Variants in RBMS2 observed in about 807,000 individuals in gnomAD.
RBMS2 encodes RNA binding motif single stranded interacting protein 2.
A neutral mutation model predicts 58.4 loss-of-function variants in RBMS2; 38 were observed. That is an observed-to-expected ratio of 0.65 (90% confidence interval 0.50 to 0.85). The LOEUF (loss-of-function observed/expected upper bound fraction) is 0.85, where lower values mean the gene tolerates loss of function less well. RBMS2 is among the 40% of genes least tolerant of loss of function. The pLI, the probability that RBMS2 is intolerant of heterozygous loss-of-function variation, is 0.00. For missense variants in RBMS2, 367 were observed against 503.7 expected (o/e 0.73, Z 2.60); for synonymous variants, 151 against 180.7 (o/e 0.84, Z 1.32).
At chr12:56,588,894 A>G (rs768895044) in intron 12 of RBMS2, 38 bp from the exon 13 acceptor site, 52 of 1,604,454 alleles carry the variant, frequency 3.2e-5, no homozygotes, top group Non-Finnish European at 4.3e-5. Flanking sequence ...TGAGGAAAGG[A>G]ATGCGCAAGA....
intron 5 of RBMS2, among the ~76,000 whole-genome samples, chr12:56,572,363 A>T (rs1483460926): frequency 6.7e-6 from 1 of 150,370 alleles, no homozygotes; most frequent in East Asian, 2.0e-4. Flanking sequence ...CCACCTAAAT[A>T]TTTTTTTTAT....
rs373193744 is a variant in RBMS2, at chr12:56,578,878, C to T, written c.543-2306C>T. ...TACTTGGGAGCTGAGGTAGGAGAAT[C>T]GTTTGAACCTGGGAGGAGGAGGTTG... On this transcript the variant is annotated intron_variant, in intron 5 of 13. Transcript: ENST00000262031. Among the ~76,000 whole-genome samples the T allele has an allele frequency of 2.5e-4, 38 of 152,080 alleles. No individual in the cohort carries two copies. In the East Asian group the frequency reaches 7.4e-3, roughly 30 times the overall value.
chr12:56,531,331 T>C (rs1446727370), intron 1 of RBMS2, among the ~76,000 whole-genome samples: 2 of 152,126 alleles, frequency 1.3e-5, no homozygotes, highest in Admixed American at 6.6e-5. Context: ...GTGCCTATGG[T>C]AGGCACTAAA....
Position 56,589,365 on chromosome 12 carries a change from T to G in RBMS2, c.*232T>G. The G allele has an allele frequency of 8.6e-7, 1 of 1,167,780 alleles. No individual in the cohort carries two copies. The highest frequency in any genetic ancestry group is 1.1e-6 in the Non-Finnish European group (1 of 916,810). 72.3% of individuals were successfully genotyped at this position (1,167,780 alleles called of 1,614,324 possible). ...GGGAACCATCACTTTTTTTGTGTGC[T>G]ACATTCAAGGAGATCAAAAAAACTT... On this transcript the variant is annotated 3_prime_UTR_variant, in exon 14 of 14. Coordinates refer to ENST00000262031, the MANE Select transcript of RBMS2 (RefSeq NM_002898.4).
intron 1 of RBMS2, among the ~76,000 whole-genome samples, chr12:56,534,208 C>T (rs756083456): frequency 9.2e-5 from 14 of 152,084 alleles, no homozygotes; most frequent in Non-Finnish European, 2.1e-4. Context: ...TCATGCTTTA[C>T]AATATTTCAT....
intron 9 of RBMS2, among the ~76,000 whole-genome samples, chr12:56,586,102 G>T (rs1444542310): frequency 6.6e-6 from 1 of 152,120 alleles, no homozygotes; most frequent in Non-Finnish European, 1.5e-5. Flanking sequence ...GCTGAGGCGG[G>T]CATATCACGA....
chr12:56,564,719 A>G (rs766034332), intron 2 of RBMS2, among the ~76,000 whole-genome samples: 2 of 152,178 alleles, frequency 1.3e-5, no homozygotes, highest in African/African-American at 4.8e-5. Flanking sequence ...CATGCCTGTA[A>G]TTCCAGCACT....
At chr12:56,548,906 T>C (rs1877734649) in intron 1 of RBMS2, among the ~76,000 whole-genome samples, 1 of 152,156 alleles carries the variant, frequency 6.6e-6, no homozygotes, top group African/African-American at 2.4e-5. Context: ...AGGATGACTT[T>C]GATGGCAAAT....
At chr12:56,543,081 C>T (rs961469000) in intron 1 of RBMS2, among the ~76,000 whole-genome samples, 1 of 152,050 alleles carries the variant, frequency 6.6e-6, no homozygotes, top group African/African-American at 2.4e-5. Context: ...ACTGTGTTTC[C>T]CAGGCTGGTC....
At chr12:56,558,604 T>TTTTC (rs1381509759) in intron 1 of RBMS2, among the ~76,000 whole-genome samples, 4 of 145,498 alleles carry the variant, frequency 2.7e-5, no homozygotes, top group Non-Finnish European at 4.5e-5. Context: ...TTTTTTTTTT[T>TTTTC]TTGAGACAGA....
intron 1 of RBMS2, among the ~76,000 whole-genome samples, chr12:56,542,399 A>G (rs1876261301): frequency 2.5e-5 from 1 of 40,162 alleles, no homozygotes; most frequent in South Asian, 1.7e-3. Context: ...GTAAAATGGT[A>G]AACTAAATCC....
At chr12:56,543,013 C>CT (rs1365756362) in intron 1 of RBMS2, among the ~76,000 whole-genome samples, 1 of 152,060 alleles carries the variant, frequency 6.6e-6, no homozygotes, top group African/African-American at 2.4e-5. Context: ...TCAAGCAATT[C>CT]TCCTGTCTCA....
chr12:56,538,846 C>A (rs1875516246), intron 1 of RBMS2, among the ~76,000 whole-genome samples: 1 of 152,102 alleles, frequency 6.6e-6, no homozygotes, highest in African/African-American at 2.4e-5. Context: ...ATATTTGTGT[C>A]TTCTGCAATT....
At chr12:56,538,150 A>C (rs2694913) in intron 1 of RBMS2, among the ~76,000 whole-genome samples, 92,504 of 151,794 alleles carry the variant, frequency 0.61, 28,576 homozygotes, top group East Asian at 0.72. Context: ...CTCCTGCCTC[A>C]GCCTCCCGGG....
At chr12:56,577,245 A>C (rs568367351) in intron 5 of RBMS2, among the ~76,000 whole-genome samples, 114 of 151,670 alleles carry the variant, frequency 7.5e-4, no homozygotes, top group Admixed American at 1.2e-3. Context: ...CTCTACTAAA[A>C]GTACAAAAAT....
intron 5 of RBMS2, among the ~76,000 whole-genome samples, chr12:56,573,626 G>A (rs1454212908): frequency 2.0e-5 from 3 of 151,942 alleles, no homozygotes; most frequent in Non-Finnish European, 4.4e-5. Flanking sequence ...AACTTATTTT[G>A]CAGGTTGAGC....
chr12:56,563,709 A>G (rs180677486), intron 2 of RBMS2, among the ~76,000 whole-genome samples: 19 of 152,292 alleles, frequency 1.2e-4, no homozygotes, highest in Non-Finnish European at 8.8e-5. Flanking sequence ...AGACCAAGGC[A>G]GAAGGATTGC....
rs562269744 is a variant in RBMS2, at chr12:56,524,756, C to T, written c.66+2667C>T. Among the ~76,000 whole-genome samples the T allele has an allele frequency of 4.0e-4, 59 of 149,158 alleles. 1 individual carries two copies. Among genetic ancestry groups the T allele is most frequent in the African/African-American group, 1.4e-3 (57 of 40,312 alleles). On this transcript the variant is annotated intron_variant, in intron 1 of 13. Coordinates refer to ENST00000262031, the MANE Select transcript of RBMS2 (RefSeq NM_002898.4). ...TATTTGAGATGGAGTCTTGCTCTGT[C>T]GCGCCCAGGCTGGAATGCAGTGGCG...
chr12:56,551,604 T>C (rs1878282316), intron 1 of RBMS2, among the ~76,000 whole-genome samples: 1 of 151,864 alleles, frequency 6.6e-6, no homozygotes, highest in Admixed American at 6.6e-5. Context: ...AGCTGCATTA[T>C]TGAGGGTGGT....
Sources: allele counts gnomAD v4.1 joint callset (sites outside exome capture counted in the v4.1 genomes callset), GRCh38; gene constraint gnomAD v4.1.1; transcripts MANE v1.5; gene names NCBI Gene and HGNC (gene_info 2026-07-23, HGNC 2026-07-21).